The following EBF1 variants were observed in gnomAD, a reference collection of about 807,000 sequenced individuals.
EBF1 encodes the protein EBF transcription factor 1.
In EBF1, 10 loss-of-function variants were observed where a neutral mutation model predicts 68.4. That is an observed-to-expected ratio of 0.15 (90% CI 0.09 to 0.25). The LOEUF (loss-of-function observed/expected upper bound fraction) is 0.25, where lower values mean the gene tolerates loss of function less well. EBF1 is among the 10% of genes least tolerant of loss of function. EBF1 has a pLI of 1.00. For missense variants in EBF1, 509 were observed against 794.4 expected (o/e 0.64, Z 4.32); for synonymous variants, 298 against 299.8 (o/e 0.99, Z 0.06).
rs187491034 is a variant in EBF1, at chr5:158,814,173, G to A, written c.778+9003C>T. Among the ~76,000 whole-genome samples, 516 of 152,254 alleles carry A rather than the reference G, an allele frequency of 3.4e-3. 2 individuals carry two copies. Among genetic ancestry groups the A allele is most frequent in the Non-Finnish European group, 2.6e-3 (174 of 68,024 alleles). On this transcript the variant is annotated intron_variant, in intron 8 of 15. Coordinates refer to ENST00000313708, the MANE Select transcript of EBF1 (RefSeq NM_024007.5). Reference sequence around the variant, plus strand: ...CCAGCCTGAGCAACATAGGAACCCTGTCTCTACAAAATCAAAATAATTAGC... The same window carrying A: ...CCAGCCTGAGCAACATAGGAACCCTATCTCTACAAAATCAAAATAATTAGC...
At chr5:158,882,501 C>T (rs1201356942) in intron 6 of EBF1, among the ~76,000 whole-genome samples, 1 of 151,974 alleles carries the variant, frequency 6.6e-6, no homozygotes, top group East Asian at 1.9e-4. Flanking sequence ...ATTTACAGAC[C>T]CAAGCTAGAA....
chr5:158,775,408 T>A (rs1349414085), intron 10 of EBF1, among the ~76,000 whole-genome samples: 1 of 152,094 alleles, frequency 6.6e-6, no homozygotes, highest in African/African-American at 2.4e-5. Context: ...GAACCATTAA[T>A]GGGCAGGGAC....
At chr5:158,738,680 CTG>C (rs1765694770) in intron 10 of EBF1, among the ~76,000 whole-genome samples, 1 of 152,174 alleles carries the variant, frequency 6.6e-6, no homozygotes, top group African/African-American at 2.4e-5. Context: ...AGGTGGGAAA[CTG>C]AGGCACAGAA....
At position 159,008,575 on chromosome 5, in the gene EBF1, G is replaced by C. The variant is rs73301944; in HGVS notation, c.554+64821C>G. Among the ~76,000 whole-genome samples, 429 of 149,996 alleles carry C rather than the reference G, an allele frequency of 2.9e-3. 1 individual carries two copies. The highest frequency in any genetic ancestry group is 0.01 in the African/African-American group (410 of 40,750). ...CTTGCTCTGTTATGAAGGCAGGCTG[G>C]ACAGCAGTGGCACAATCTGGACTCA... On this transcript the variant is annotated intron_variant, in intron 6 of 15. Coordinates refer to ENST00000313708, the MANE Select transcript of EBF1 (RefSeq NM_024007.5).
At chr5:158,930,235 G>C (rs1011526418) in intron 6 of EBF1, among the ~76,000 whole-genome samples, 8 of 151,324 alleles carry the variant, frequency 5.3e-5, no homozygotes, top group African/African-American at 1.2e-4. Flanking sequence ...AGCAAAAAAG[G>C]CTCGAGCTGT....
In EBF1 at chr5:158,697,907, C is replaced by A. The variant is rs1042055297; in HGVS notation, c.*1204G>T. ...TTCCCAGATAATGAGAGCAAAAATT[C>A]CCATAGAACAGAAAACTATGTTTTG... On this transcript the variant is annotated 3_prime_UTR_variant, in exon 16 of 16. Coordinates refer to ENST00000313708, the MANE Select transcript of EBF1 (RefSeq NM_024007.5). The A allele has an allele frequency of 2.4e-5, 5 of 208,270 alleles. No homozygotes were observed. The highest frequency in any genetic ancestry group is 2.9e-5 in the Non-Finnish European group (3 of 102,368). The allele number at this position is 208,270 out of a possible 1,614,324, so 12.9% of individuals were successfully genotyped here.
intron 10 of EBF1, among the ~76,000 whole-genome samples, chr5:158,759,561 T>G (rs954051673): frequency 2.0e-5 from 3 of 152,076 alleles, no homozygotes; most frequent in Non-Finnish European, 4.4e-5. Flanking sequence ...CTGGGGAAAG[T>G]CCACAGATGC....
intron 8 of EBF1, among the ~76,000 whole-genome samples, chr5:158,817,631 A>C (rs1784028072): frequency 6.6e-6 from 1 of 152,122 alleles, no homozygotes; most frequent in African/African-American, 2.4e-5. Context: ...AGACTAAGAC[A>C]CCTAGTAAAA....
At chr5:158,938,578 G>C (rs1019967123) in intron 6 of EBF1, among the ~76,000 whole-genome samples, 2 of 152,236 alleles carry the variant, frequency 1.3e-5, no homozygotes, top group Non-Finnish European at 2.9e-5. Flanking sequence ...AGAAGTCCAA[G>C]ATGAGGGTGC....
intron 6 of EBF1, among the ~76,000 whole-genome samples, chr5:158,903,825 C>T (rs553859696): frequency 2.0e-4 from 30 of 152,246 alleles, no homozygotes; most frequent in Admixed American, 1.8e-3. Flanking sequence ...CTTGTGTTGA[C>T]AGAGCACTTT....
chr5:158,706,962 AATCTT>A (rs1333656388), intron 15 of EBF1, among the ~76,000 whole-genome samples: 1 of 152,174 alleles, frequency 6.6e-6, no homozygotes, highest in East Asian at 1.9e-4. Flanking sequence ...CTAGTTTACT[AATCTT>A]ATCTCCCTAC....
At chr5:158,869,844 T>C (rs1429020492) in intron 6 of EBF1, among the ~76,000 whole-genome samples, 1 of 152,212 alleles carries the variant, frequency 6.6e-6, no homozygotes. Context: ...ATACCTATTT[T>C]GTTTGCCTTT....
At chr5:159,002,612 A>T (rs1388312094) in intron 6 of EBF1, among the ~76,000 whole-genome samples, 1 of 152,250 alleles carries the variant, frequency 6.6e-6, no homozygotes, top group Non-Finnish European at 1.5e-5. Flanking sequence ...AATAATGAAC[A>T]TACCCTTTAA....
intron 7 of EBF1, 129 bp downstream of exon 7, chr5:158,839,900 G>T: frequency 2.5e-6 from 2 of 794,910 alleles, no homozygotes; most frequent in Non-Finnish European, 2.1e-6. Context: ...CAGATACCTG[G>T]GGGACCAAGG....
intron 10 of EBF1, among the ~76,000 whole-genome samples, chr5:158,768,012 G>A (rs190898544): frequency 2.0e-5 from 3 of 152,268 alleles, no homozygotes; most frequent in East Asian, 1.9e-4. Flanking sequence ...TACCTTGGAG[G>A]TTGTTTAGCT....
At chr5:159,083,250 C>G (rs62385442) in intron 5 of EBF1, among the ~76,000 whole-genome samples, 1,542 of 152,258 alleles carry the variant, frequency 0.01, 14 homozygotes, top group Admixed American at 0.025. Context: ...AGAAAGAGGT[C>G]ATGTTTTAAC....
At chr5:158,762,581 G>C (rs1771709289) in intron 10 of EBF1, among the ~76,000 whole-genome samples, 1 of 152,154 alleles carries the variant, frequency 6.6e-6, no homozygotes, top group South Asian at 2.1e-4. Context: ...TGTCACCCAG[G>C]CTGGAGTGCA....
At chr5:158,712,919 G>A in intron 13 of EBF1, 51 bp downstream of exon 13, 1 of 1,389,544 alleles carries the variant, frequency 7.2e-7, no homozygotes, top group Non-Finnish European at 9.4e-7. Flanking sequence ...CAATAAATGA[G>A]GAGATGGGGT....
chr5:159,074,730 TC>T (rs576581425), intron 5 of EBF1, among the ~76,000 whole-genome samples: 47 of 152,356 alleles, frequency 3.1e-4, no homozygotes, highest in Non-Finnish European at 6.0e-4. Flanking sequence ...TGTTTTTCTT[TC>T]ATGTCTTCGG....
Sources: gnomAD v4.1 joint callset for allele counts (sites outside exome capture counted in the v4.1 genomes callset) on GRCh38, gnomAD v4.1.1 for gene constraint, MANE v1.5 for transcripts, NCBI Gene and HGNC (gene_info 2026-07-23, HGNC 2026-07-21) for gene names.